The following ACOX2 variants were observed in gnomAD, a reference collection of about 807,000 sequenced individuals.
ACOX2 encodes the protein peroxisomal acyl-coenzyme A oxidase 2.
A neutral mutation model predicts 77.5 loss-of-function variants in ACOX2; 59 were observed. That is an observed-to-expected ratio of 0.76 (90% CI 0.62 to 0.95). The LOEUF is 0.95. Among genes scored for constraint, ACOX2 ranks in the 40% least tolerant of loss-of-function variants. The pLI, the probability that ACOX2 is intolerant of heterozygous loss-of-function variation, is 0.00. For missense variants in ACOX2, 837 were observed against 880.4 expected (o/e 0.95, Z 0.62); for synonymous variants, 317 against 340.1 (o/e 0.93, Z 0.75).
Position 58,528,903 on chromosome 3 carries a change from G to A in ACOX2, c.1046C>T (p.Pro349Leu). The A allele has an allele frequency of 1.2e-6, 2 of 1,613,662 alleles. No individual in the cohort carries two copies. Among genetic ancestry groups the A allele is most frequent in the Non-Finnish European group, 1.7e-6 (2 of 1,179,786 alleles). ...DYQTQQQKLF[P>L]QLAISYAFHF... Reference sequence around the variant, plus strand: ...GAAGGCATAACTGATGGCCAGCTGAGGAAAGAGTTTCTGCTGTTGTGTCTG... The same window carrying A: ...GAAGGCATAACTGATGGCCAGCTGAAGAAAGAGTTTCTGCTGTTGTGTCTG... The change falls in exon 9 of 15, where the codon CCT (proline) becomes CTT (leucine). Residue 349 changes from proline (P) to leucine (L), a missense_variant. Transcript: ENST00000302819. This position sits in a 1 kb window ranked among gnomAD's most constrained non-coding sequence, Gnocchi z 5.6.
chr3:58,507,445 T>C (rs927364152), intron 14 of ACOX2, among the ~76,000 whole-genome samples: 1 of 152,238 alleles, frequency 6.6e-6, no homozygotes, highest in Non-Finnish European at 1.5e-5. Context: ...AAAATAAATA[T>C]TAAAACCAAC....
chr3:58,522,491 C>G lies in ACOX2; in HGVS notation c.1632+5G>C, dbSNP rs1560215305. ...CCCTTTCAGCTTCAGCTGGCAGGCG[C>G]TCACCTTAGCAGCCTGGAGGTGTAT... On this transcript the variant is annotated splice_donor_5th_base_variant and intron_variant, in intron 12 of 14. Transcript: ENST00000302819. This position sits in a 1 kb window ranked among gnomAD's most constrained non-coding sequence, Gnocchi z 4.3. 6.2e-7 allele frequency: 1 copy of G among 1,613,762 alleles called. No individual in the cohort carries two copies. The highest frequency in any genetic ancestry group is 8.5e-7 in the Non-Finnish European group (1 of 1,179,660).
Position 58,534,843 on chromosome 3 carries a change from G to T in ACOX2, c.160+104C>A. 1 of 1,547,584 alleles carries T rather than the reference G, an allele frequency of 6.5e-7. No homozygotes were observed. Among genetic ancestry groups the T allele is most frequent in the East Asian group, 2.3e-5 (1 of 44,426 alleles). On this transcript the variant is annotated intron_variant, in intron 2 of 14. Coordinates refer to ENST00000302819, the MANE Select transcript of ACOX2 (RefSeq NM_003500.4). This position sits in a 1 kb window ranked among gnomAD's most constrained non-coding sequence, Gnocchi z 4.8. The stretch of plus-strand genomic sequence containing the variant: ...TGAATCTCTAACAGTGGAATTTCAA[G>T]GGCAAAGTTTGTTATTTGGAAGCAG...
intron 13 of ACOX2, among the ~76,000 whole-genome samples, chr3:58,513,024 C>T (rs2063298698): frequency 6.6e-6 from 1 of 152,196 alleles, no homozygotes; most frequent in African/African-American, 2.4e-5. Context: ...TCCCTAGCAG[C>T]CACAACAGCT....
At chr3:58,510,849 G>A in intron 13 of ACOX2, 1 of 385,998 alleles carries the variant, frequency 2.6e-6, no homozygotes, top group Middle Eastern at 5.4e-4. Context: ...TACATGGCTG[G>A]AAAAAACAAT....
chr3:58,518,739 T>G (rs2063339408), intron 12 of ACOX2, among the ~76,000 whole-genome samples: 1 of 151,828 alleles, frequency 6.6e-6, no homozygotes, highest in Non-Finnish European at 1.5e-5. Context: ...CTCAAGTGAT[T>G]CTCCCACCTC....
intron 14 of ACOX2, among the ~76,000 whole-genome samples, chr3:58,506,819 A>G (rs1020476324): frequency 6.6e-6 from 1 of 152,182 alleles, no homozygotes; most frequent in Non-Finnish European, 1.5e-5. Flanking sequence ...AAAATACATA[A>G]AATATCTGTA....
rs1047094556 is a variant in ACOX2, at chr3:58,525,005, T to C, written c.1347-400A>G. 2.0e-5 allele frequency among the ~76,000 whole-genome samples: 3 copies of C among 152,214 alleles called. No homozygotes were observed. Among genetic ancestry groups the C allele is most frequent in the Non-Finnish European group, 2.9e-5 (2 of 68,038 alleles). ...AGAATGCTAACAGGAGTAGGAGGATTATAGGTGACTCTCAACTGCTGCTTT... is the reference window on the plus strand; with the variant it reads ...AGAATGCTAACAGGAGTAGGAGGATCATAGGTGACTCTCAACTGCTGCTTT... On this transcript the variant is annotated intron_variant, in intron 10 of 14. Transcript: ENST00000302819. This position sits in a 1 kb window ranked among gnomAD's most constrained non-coding sequence, Gnocchi z 5.0.
Position 58,505,286 on chromosome 3 carries a change from C to T in ACOX2, c.1984G>A (p.Glu662Lys), listed in dbSNP as rs191136907. ...WAQKSPTNTQ[E>K]NPAYEEYIRP... The stretch of plus-strand genomic sequence containing the variant: ...ATATATTCCTCATAGGCAGGGTTCT[C>T]CTGTTTGTAGAAAGAAACGCATTAT... Residue 662 changes from glutamate (E) to lysine (K), a missense_variant and splice_region_variant, in exon 15 of 15, where the codon GAG (glutamate) becomes AAG (lysine). Coordinates refer to ENST00000302819, the MANE Select transcript of ACOX2 (RefSeq NM_003500.4). This position sits in a 1 kb window ranked among gnomAD's most constrained non-coding sequence, Gnocchi z 4.4. The T allele has an allele frequency of 3.7e-6, 6 of 1,611,572 alleles. No homozygotes were observed. In the East Asian group the frequency reaches 1.3e-4, roughly 36 times the overall value.
chr3:58,529,729 A>G (rs1489749380), intron 8 of ACOX2, among the ~76,000 whole-genome samples: 2 of 152,342 alleles, frequency 1.3e-5, no homozygotes, highest in East Asian at 1.9e-4. Context: ...AGCTTGCCAG[A>G]GGAAAGGACC....
rs934045314 is a variant in ACOX2, at chr3:58,526,155, G to A, written c.1346+311C>T. On this transcript the variant is annotated intron_variant, in intron 10 of 14. Coordinates refer to ENST00000302819, the MANE Select transcript of ACOX2 (RefSeq NM_003500.4). This position sits in a 1 kb window ranked among gnomAD's most constrained non-coding sequence, Gnocchi z 4.3. ...ATTTTCCTATGAGCACTGGGAAGCC[G>A]TTGAAGAATTTCAAACCAGAGAAAG... 2.0e-5 allele frequency among the ~76,000 whole-genome samples: 3 copies of A among 152,164 alleles called. No homozygotes were observed. Among genetic ancestry groups the A allele is most frequent in the African/African-American group, 4.8e-5 (2 of 41,448 alleles).
At chr3:58,508,445 A>T (rs564052471) in intron 14 of ACOX2, among the ~76,000 whole-genome samples, 10 of 152,338 alleles carry the variant, frequency 6.6e-5, no homozygotes, top group Admixed American at 6.5e-4. Flanking sequence ...CAGGTCTAAG[A>T]GAGACATCCC....
rs2063477696 is a variant in ACOX2, at chr3:58,535,837, T to C, written c.-91-640A>G. 6.6e-6 allele frequency among the ~76,000 whole-genome samples: 1 copy of C among 152,152 alleles called. No individual in the cohort carries two copies. The highest frequency in any genetic ancestry group is 1.5e-5 in the Non-Finnish European group (1 of 68,016). ...AAGTGCTTGGCCTCTGAGAAGCCCC[T>C]ATTCCTCCACAGTGAGGCAACCATG... On this transcript the variant is annotated intron_variant, in intron 1 of 14. Coordinates refer to ENST00000302819, the MANE Select transcript of ACOX2 (RefSeq NM_003500.4). The surrounding 1 kb of genome is among the most constrained non-coding windows in gnomAD (Gnocchi z 4.8).
chr3:58,511,716 T>C (rs1052511742), intron 13 of ACOX2: 3 of 152,342 alleles, frequency 2.0e-5, no homozygotes, highest in African/African-American at 7.2e-5. Context: ...TCCATCAGTA[T>C]ACAAACAGAC....
At chr3:58,518,919 C>A (rs1475698640) in intron 12 of ACOX2, among the ~76,000 whole-genome samples, 1 of 151,756 alleles carries the variant, frequency 6.6e-6, no homozygotes, top group Non-Finnish European at 1.5e-5. Flanking sequence ...GGATTACAGG[C>A]GTGAGCCTCT....
At position 58,524,993 on chromosome 3, in the gene ACOX2, G is replaced by A. The variant is rs2063384501; in HGVS notation, c.1347-388C>T. On this transcript the variant is annotated intron_variant, in intron 10 of 14. Transcript: ENST00000302819. This position sits in a 1 kb window ranked among gnomAD's most constrained non-coding sequence, Gnocchi z 5.5. ...AGGATAGAGGCAAGAATGCTAACAG[G>A]AGTAGGAGGATTATAGGTGACTCTC... Among the ~76,000 whole-genome samples the A allele has an allele frequency of 6.6e-6, 1 of 152,218 alleles. No homozygotes were observed. The highest frequency in any genetic ancestry group is 1.5e-5 in the Non-Finnish European group (1 of 68,032).
Position 58,531,138 on chromosome 3 carries a change from G to A in ACOX2, c.819+113C>T, listed in dbSNP as rs900418190. On this transcript the variant is annotated intron_variant, in intron 7 of 14. Transcript: ENST00000302819. The surrounding 1 kb of genome is among the most constrained non-coding windows in gnomAD (Gnocchi z 5.8). Reference sequence around the variant, plus strand: ...TGGGATATCAGAGCCTCTCTTGGGGGAGGAGGTTATGTGGCCCAAACTAAG... The same window carrying A: ...TGGGATATCAGAGCCTCTCTTGGGGAAGGAGGTTATGTGGCCCAAACTAAG... 1 of 855,710 alleles carries A rather than the reference G, an allele frequency of 1.2e-6. No homozygotes were observed. Among genetic ancestry groups the A allele is most frequent in the Admixed American group, 2.7e-5 (1 of 36,852 alleles). 53.0% of individuals were successfully genotyped at this position (855,710 alleles called of 1,614,324 possible).
Position 58,533,482 on chromosome 3 carries a change from G to T in ACOX2, c.546C>A (p.Ser182Arg). 1 of 1,614,028 alleles carries T rather than the reference G, an allele frequency of 6.2e-7. No homozygotes were observed. Among genetic ancestry groups the T allele is most frequent in the East Asian group, 2.2e-5 (1 of 44,838 alleles). ...ACCATTTGGTGGCAGTCAGCGTGGGGCTGTGTATCACAAACTCCTGGGTGG... is the reference window on the plus strand; with the variant it reads ...ACCATTTGGTGGCAGTCAGCGTGGGTCTGTGTATCACAAACTCCTGGGTGG... Reference protein sequence around the residue: ...DAATQEFVIHSPTLTATKWWP... With the variant: ...DAATQEFVIHRPTLTATKWWP... Residue 182 changes from serine (S) to arginine (R), a missense_variant, in exon 5 of 15, where the codon AGC becomes AGA. Physicochemically the swap from Ser to Arg is moderately radical, Grantham distance 110. Transcript: ENST00000302819. This position sits in a 1 kb window ranked among gnomAD's most constrained non-coding sequence, Gnocchi z 5.6.
Position 58,531,586 on chromosome 3 carries a change from G to T in ACOX2, c.703+107C>A. 6.6e-7 allele frequency: 1 copy of T among 1,504,558 alleles called. No homozygotes were observed. Among genetic ancestry groups the T allele is most frequent in the South Asian group, 1.3e-5 (1 of 76,492 alleles). 93.2% of individuals were successfully genotyped at this position (1,504,558 alleles called of 1,614,324 possible). A position where few individuals can be genotyped will look rare whatever the true frequency, so the allele number is the denominator to read the frequency against. On this transcript the variant is annotated intron_variant, in intron 6 of 14. Transcript: ENST00000302819. This position sits in a 1 kb window ranked among gnomAD's most constrained non-coding sequence, Gnocchi z 5.8. ...TCCAACTGGACCGCTCCCTGCCCAAGGGAGACATGTCTTAGCTACTCCTGT... is the reference window on the plus strand; with the variant it reads ...TCCAACTGGACCGCTCCCTGCCCAATGGAGACATGTCTTAGCTACTCCTGT...
Sources: allele counts gnomAD v4.1 joint callset (sites outside exome capture counted in the v4.1 genomes callset), GRCh38; gene constraint gnomAD v4.1.1; non-coding constraint Gnocchi (gnomAD v3.1); transcripts MANE v1.5; gene names NCBI Gene and HGNC (gene_info 2026-07-23, HGNC 2026-07-21).